Variants in CFAP20DC observed in about 807,000 individuals in gnomAD.
CFAP20DC encodes protein CFAP20DC.
CFAP20DC carries 84 observed loss-of-function variants against 101.7 expected under a neutral mutation model. The ratio of observed to expected loss-of-function variants is 0.83; its 90% CI spans 0.69 to 0.99. The LOEUF is 0.99. CFAP20DC is among the 50% of genes least tolerant of loss of function. The pLI, the probability that CFAP20DC is intolerant of heterozygous loss-of-function variation, is 0.00. For synonymous variants in CFAP20DC, 359 were observed against 351.2 expected, an observed-to-expected ratio of 1.02 and a Z score of -0.25; for missense variants, 1,007 against 970.3, an observed-to-expected ratio of 1.04 and a Z score of -0.50.
At chr3:58,860,038 G>A (rs137920736) in intron 12 of CFAP20DC, among the ~76,000 whole-genome samples, 131 of 151,870 alleles carry the variant, frequency 8.6e-4, no homozygotes, top group African/African-American at 2.9e-3. Flanking sequence ...TTAGCCAGGC[G>A]TGGTGGTGTG....
intron 4 of CFAP20DC, among the ~76,000 whole-genome samples, chr3:58,969,191 G>A (rs1377221311): frequency 6.6e-6 from 1 of 152,014 alleles, no homozygotes; most frequent in East Asian, 1.9e-4. Context: ...AATTTAAATA[G>A]AAATTTCTTC....
intron 4 of CFAP20DC, among the ~76,000 whole-genome samples, chr3:58,952,334 C>T (rs2090206293): frequency 6.6e-6 from 1 of 152,140 alleles, no homozygotes; most frequent in Admixed American, 6.5e-5. Flanking sequence ...TAAAATTTCT[C>T]ATCATCCTAC....
In CFAP20DC at chr3:59,007,782, A is replaced by G. The variant is rs1373277913; in HGVS notation, c.278+31775T>C. 6.6e-6 allele frequency among the ~76,000 whole-genome samples: 1 copy of G among 152,166 alleles called. No homozygotes were observed. Among genetic ancestry groups the G allele is most frequent in the Non-Finnish European group, 1.5e-5 (1 of 68,024 alleles). ...AGGGCAGTAACAATCACTGAAGTAC[A>G]GCTCTCAGGAAGCCTCATCCCTAGG... On this transcript the variant is annotated intron_variant, in intron 4 of 16. Coordinates refer to ENST00000482387, the MANE Select transcript of CFAP20DC (RefSeq NM_001394063.1). The surrounding 1 kb of genome is among the most constrained non-coding windows in gnomAD (Gnocchi z 4.4).
At chr3:58,938,043 A>G (rs969505313) in intron 4 of CFAP20DC, among the ~76,000 whole-genome samples, 1 of 152,230 alleles carries the variant, frequency 6.6e-6, no homozygotes, top group Admixed American at 6.5e-5. Context: ...AAAGAATTCA[A>G]TTTGGATGAA....
chr3:58,829,514 C>T (rs748197135), intron 14 of CFAP20DC, among the ~76,000 whole-genome samples: 1 of 152,034 alleles, frequency 6.6e-6, no homozygotes, highest in Non-Finnish European at 1.5e-5. Context: ...TTAAGGAATA[C>T]AATTTTCCAT....
intron 15 of CFAP20DC, among the ~76,000 whole-genome samples, chr3:58,790,985 A>G (rs1019849178): frequency 1.3e-5 from 2 of 152,168 alleles, no homozygotes; most frequent in African/African-American, 4.8e-5. Flanking sequence ...ACTAGGATCA[A>G]TGGGAAGAAG....
intron 7 of CFAP20DC, among the ~76,000 whole-genome samples, chr3:58,872,335 A>C (rs2080297417): frequency 6.6e-6 from 1 of 151,992 alleles, no homozygotes; most frequent in South Asian, 2.1e-4. Context: ...TAGAGCTATA[A>C]TTTTACATGT....
intron 15 of CFAP20DC, among the ~76,000 whole-genome samples, chr3:58,796,912 C>T (rs999521066): frequency 6.6e-6 from 1 of 152,134 alleles, no homozygotes; most frequent in South Asian, 2.1e-4. Flanking sequence ...ATGTTACTAT[C>T]AAATTGTTTT....
intron 14 of CFAP20DC, among the ~76,000 whole-genome samples, chr3:58,811,393 T>C (rs531418154): frequency 6.6e-6 from 1 of 151,992 alleles, no homozygotes; most frequent in East Asian, 1.9e-4. Flanking sequence ...CCCTCAGAAA[T>C]AACGCCGCAT....
At chr3:58,990,994 T>C (rs755617913) in intron 4 of CFAP20DC, among the ~76,000 whole-genome samples, 5 of 152,190 alleles carry the variant, frequency 3.3e-5, no homozygotes, top group Non-Finnish European at 5.9e-5. Flanking sequence ...TCTGCCTTGA[T>C]AACTGAAAAT....
intron 7 of CFAP20DC, among the ~76,000 whole-genome samples, chr3:58,877,478 A>G (rs2080848811): frequency 6.6e-6 from 1 of 152,226 alleles, no homozygotes. Context: ...GATGGATATC[A>G]GGATACATGC....
At chr3:58,940,046 C>T (rs913483602) in intron 4 of CFAP20DC, among the ~76,000 whole-genome samples, 26 of 152,076 alleles carry the variant, frequency 1.7e-4, no homozygotes, top group African/African-American at 4.8e-4. Context: ...GGATTACAGG[C>T]GTGAGCCACT....
At chr3:58,830,287 T>C (rs1475972345) in intron 14 of CFAP20DC, among the ~76,000 whole-genome samples, 2 of 152,156 alleles carry the variant, frequency 1.3e-5, no homozygotes, top group East Asian at 1.9e-4. Flanking sequence ...TCACCTTCCA[T>C]GGGATATCCA....
At chr3:58,967,545 G>A in intron 4 of CFAP20DC, among the ~76,000 whole-genome samples, 1 of 152,102 alleles carries the variant, frequency 6.6e-6, no homozygotes. Flanking sequence ...TGTCCTCAAA[G>A]GATGCTATCA....
Position 58,882,021 on chromosome 3 carries a change from G to A in CFAP20DC, c.715+2524C>T, listed in dbSNP as rs534920714. Among the ~76,000 whole-genome samples, 15 of 152,254 alleles carry A rather than the reference G, an allele frequency of 9.9e-5. No homozygotes were observed. Among genetic ancestry groups the A allele is most frequent in the Admixed American group, 2.0e-4 (3 of 15,294 alleles). On this transcript the variant is annotated intron_variant, in intron 7 of 16. Coordinates refer to ENST00000482387, the MANE Select transcript of CFAP20DC (RefSeq NM_001394063.1). This position sits in a 1 kb window ranked among gnomAD's most constrained non-coding sequence, Gnocchi z 4.2. ...AAGAGAACCACAAAGTGCAATTTAT[G>A]TTTGTGTAATCTTAGCTGGCATACA...
chr3:58,753,276 C>T (rs564466340), intron 16 of CFAP20DC, among the ~76,000 whole-genome samples: 4 of 152,266 alleles, frequency 2.6e-5, no homozygotes, highest in African/African-American at 9.6e-5. Flanking sequence ...AAACAGGTAT[C>T]TGAGTGATGT....
At chr3:58,834,589 A>C (rs2076611198) in intron 13 of CFAP20DC, among the ~76,000 whole-genome samples, 1 of 152,144 alleles carries the variant, frequency 6.6e-6, no homozygotes, top group African/African-American at 2.4e-5. Context: ...AGAAAAATCT[A>C]AGCCTGGGCC....
chr3:58,879,430 A>G (rs1486452096), intron 7 of CFAP20DC, among the ~76,000 whole-genome samples: 1 of 152,244 alleles, frequency 6.6e-6, no homozygotes, highest in East Asian at 1.9e-4. Context: ...CGCAATAACA[A>G]CTACTAAATG....
chr3:58,808,104 T>A (rs1206558382), intron 14 of CFAP20DC, among the ~76,000 whole-genome samples: 3 of 152,148 alleles, frequency 2.0e-5, no homozygotes, highest in Non-Finnish European at 4.4e-5. Flanking sequence ...TACTTGAAAG[T>A]GACAGGGAGA....
Sources: gnomAD v4.1 joint callset for allele counts (sites outside exome capture counted in the v4.1 genomes callset) on GRCh38, gnomAD v4.1.1 for gene constraint, Gnocchi (gnomAD v3.1) non-coding constraint, MANE v1.5 for transcripts, NCBI Gene and HGNC (gene_info 2026-07-23, HGNC 2026-07-21) for gene names.